Variants in FKBP5 observed in about 807,000 individuals in gnomAD.
The protein encoded by FKBP5 is FKBP prolyl isomerase 5, also known as peptidyl-prolyl cis-trans isomerase FKBP5.
In FKBP5, 23 loss-of-function variants were observed where a neutral mutation model predicts 50.5. The observed-to-expected ratio is 0.46, with a 90% CI of 0.33 to 0.65. The LOEUF is 0.65. Ranked by LOEUF, FKBP5 falls within the 30% of genes least tolerant of loss-of-function variation. The probability of loss-of-function intolerance (pLI) is 0.02; values close to 1 mark genes in which losing one functional copy is unlikely to be tolerated. For synonymous variants in FKBP5, 176 were observed against 190.6 expected, an observed-to-expected ratio of 0.92 and a Z score of 0.63; for missense variants, 411 against 553.1, an observed-to-expected ratio of 0.74 and a Z score of 2.58.
At chr6:35,702,687 C>T (rs1486606954) in intron 2 of FKBP5, among the ~76,000 whole-genome samples, 1 of 151,722 alleles carries the variant, frequency 6.6e-6, no homozygotes, top group Admixed American at 6.6e-5. Context: ...CTCCTGACCT[C>T]GTGATCCACC....
At chr6:35,685,447 T>C (rs1436555916) in intron 1 of FKBP5, among the ~76,000 whole-genome samples, 1 of 152,186 alleles carries the variant, frequency 6.6e-6, no homozygotes, top group Non-Finnish European at 1.5e-5. Context: ...TAAAATGTAC[T>C]GCAGAAAAAT....
chr6:35,714,015 A>G (rs1766464242), intron 2 of FKBP5, among the ~76,000 whole-genome samples: 1 of 151,892 alleles, frequency 6.6e-6, no homozygotes, highest in Non-Finnish European at 1.5e-5. Flanking sequence ...GGCTCTTTCA[A>G]CTGAGGCCTG....
rs550878351 is a variant in FKBP5, at chr6:35,666,394, TAAAAAAAA to T, written c.-20+22402_-20+22409del. 3.9e-4 allele frequency among the ~76,000 whole-genome samples: 13 copies of T among 33,258 alleles called. No homozygotes were observed. The South Asian group carries it at 4.7e-3, about 12-fold the overall frequency. The allele number at this position is 33,258 out of a possible 152,430, so 21.8% of individuals were successfully genotyped here. ...CATGCAGAAACACTACTATTATAGT[TAAAAAAAA>T]AAAAAAAAAAAAAAAAAGGAGGGGA... On this transcript the variant is annotated intron_variant, in intron 1 of 10. Transcript: ENST00000357266.
intron 5 of FKBP5, among the ~76,000 whole-genome samples, chr6:35,600,019 A>G (rs1214962210): frequency 6.6e-6 from 1 of 152,228 alleles, no homozygotes; most frequent in Non-Finnish European, 1.5e-5. Context: ...TAAGTGGTAT[A>G]GCATATTGCT....
intron 5 of FKBP5, 79 bp downstream of exon 5, chr6:35,619,017 A>C: frequency 2.2e-6 from 2 of 929,084 alleles, no homozygotes; most frequent in Non-Finnish European, 1.7e-6. Flanking sequence ...TTCTACAAAC[A>C]TTTTTTTTTA....
upstream of FKBP5, among the ~76,000 whole-genome samples, chr6:35,690,810 C>T (rs1765972768): frequency 6.6e-6 from 1 of 151,682 alleles, no homozygotes; most frequent in Non-Finnish European, 1.5e-5. Flanking sequence ...AGTTCGAGAC[C>T]AGCCTGACCA....
intron 5 of FKBP5, among the ~76,000 whole-genome samples, chr6:35,611,207 A>G (rs1231394456): frequency 6.6e-6 from 1 of 152,020 alleles, no homozygotes; most frequent in African/African-American, 2.4e-5. Context: ...CCACTCTTAC[A>G]TTCCTCTCCT....
intron 1 of FKBP5, among the ~76,000 whole-genome samples, chr6:35,666,545 GA>G (rs200729508): frequency 3.3e-5 from 5 of 151,838 alleles, no homozygotes; most frequent in African/African-American, 4.8e-5. Flanking sequence ...CCATGAAGGG[GA>G]AAAAAAGCTA....
rs1762246821 is a variant in FKBP5, at chr6:35,577,118, T to C, written c.1142A>G (p.Asn381Ser). 1 of 1,614,094 alleles carries C rather than the reference T, an allele frequency of 6.2e-7. No homozygotes were observed. Among genetic ancestry groups the C allele is most frequent in the Non-Finnish European group, 8.5e-7 (1 of 1,180,012 alleles). Reference sequence around the variant, plus strand: ...CAGTCTTGCAGCCTTATTCTGGGGGTTTACTTCCAGCACTTTCTCAAAGTC... The same window carrying C: ...CAGTCTTGCAGCCTTATTCTGGGGGCTTACTTCCAGCACTTTCTCAAAGTC... ...KGDFEKVLEV[N>S]PQNKAARLQI... The change falls in exon 10 of 11, where the codon AAC becomes AGC. Residue 381 changes from asparagine (N) to serine (S), a missense_variant. Around this residue, in one of 3 missense-constraint regions of FKBP5, gnomAD observed 267 missense variants for 405.9 expected, o/e 0.66. Transcript: ENST00000357266.
intron 1 of FKBP5, among the ~76,000 whole-genome samples, chr6:35,645,542 G>T (rs1764606734): frequency 6.6e-6 from 1 of 152,220 alleles, no homozygotes; most frequent in Non-Finnish European, 1.5e-5. Flanking sequence ...GTGATCCTTG[G>T]CTGGATCCTG....
chr6:35,639,644 T>G (rs1764420810), intron 2 of FKBP5, among the ~76,000 whole-genome samples: 1 of 152,142 alleles, frequency 6.6e-6, no homozygotes, highest in Admixed American at 6.5e-5. Context: ...TTGAGAAGCC[T>G]TCTAAAAAAA....
At position 35,589,128 on chromosome 6, in the gene FKBP5, A is replaced by ATATTTT. The variant is rs1427010607; in HGVS notation, c.756+2001_756+2002insAAAATA. ...TATATTTTTATATATATATATATATATTTTTTTTTTTTTCCTCTGAGACGG... is the reference window on the plus strand; with the variant it reads ...TATATTTTTATATATATATATATATATATTTTTTTTTTTTTTTTTCCTCTGAGACGG... On this transcript the variant is annotated intron_variant, in intron 7 of 10. Transcript: ENST00000357266. 2.9e-3 allele frequency among the ~76,000 whole-genome samples: 347 copies of ATATTTT among 121,524 alleles called. 6 individuals carry two copies. The highest frequency in any genetic ancestry group is 0.011 in the African/African-American group (328 of 31,232). The allele number at this position is 121,524 out of a possible 152,430, so 79.7% of individuals were successfully genotyped here.
At chr6:35,616,314 C>CAAAAAAAAAAAAA (rs34779549) in intron 5 of FKBP5, among the ~76,000 whole-genome samples, 5 of 57,454 alleles carry the variant, frequency 8.7e-5, no homozygotes, top group African/African-American at 2.3e-4. Flanking sequence ...GACTCCATCT[C>CAAAAAAAAAAAAA]AAAAAAAAAA....
At position 35,577,141 on chromosome 6, in the gene FKBP5, G is replaced by A. The variant is rs370284375; in HGVS notation, c.1119C>T (p.Asp373=). The part of the protein sequence containing the change: ...LMNEFESAKG[D]FEKVLEVNPQ... ...GGTTTACTTCCAGCACTTTCTCAAA[G>A]TCACCCTTGGCTGACTCAAACTCGT... The change falls in exon 10 of 11, where the codon GAC becomes GAT. Residue 373 remains aspartate, a synonymous_variant. Coordinates refer to ENST00000357266, the MANE Select transcript of FKBP5 (RefSeq NM_004117.4). The A allele has an allele frequency of 4.7e-5, 76 of 1,614,014 alleles. No individual in the cohort carries two copies. Among genetic ancestry groups the A allele is most frequent in the Non-Finnish European group, 5.9e-5 (70 of 1,180,004 alleles).
intron 2 of FKBP5, among the ~76,000 whole-genome samples, chr6:35,639,575 A>G (rs546757148): frequency 1.3e-5 from 2 of 152,292 alleles, no homozygotes; most frequent in Non-Finnish European, 2.9e-5. Flanking sequence ...CAGCCTGCAA[A>G]GTCTCCACTG....
intron 1 of FKBP5, among the ~76,000 whole-genome samples, chr6:35,725,807 G>A (rs1211773786): frequency 6.6e-6 from 1 of 152,180 alleles, no homozygotes; most frequent in African/African-American, 2.4e-5. Context: ...GTAACAAACT[G>A]TACCAGCCTT....
In FKBP5 at chr6:35,651,855, G is replaced by C. The variant is rs969954647; in HGVS notation, c.-19-9012C>G. 50 of 1,003,140 alleles carry C rather than the reference G, an allele frequency of 5.0e-5. 1 individual carries two copies. In the South Asian group the frequency reaches 8.0e-4, roughly 16 times the overall value. 62.1% of individuals were successfully genotyped at this position (1,003,140 alleles called of 1,614,324 possible). ...TGTTTTTGTTTAACTTGTGGACAAA[G>C]ACTTATGGTTAGGTGCAAAAAATAA... is the stretch of plus-strand genomic sequence containing the variant. On this transcript the variant is annotated intron_variant, in intron 1 of 10. Transcript: ENST00000357266.
chr6:35,700,058 T>G (rs937470034), intron 2 of FKBP5, among the ~76,000 whole-genome samples: 11 of 151,960 alleles, frequency 7.2e-5, no homozygotes, highest in Non-Finnish European at 1.3e-4. Context: ...AAGAAAAAAA[T>G]GCAACTACCC....
chr6:35,597,178 G>A (rs1189549356), intron 6 of FKBP5, 70 bp downstream of exon 6: 7 of 1,545,438 alleles, frequency 4.5e-6, no homozygotes, highest in Non-Finnish European at 6.2e-6. Flanking sequence ...CCAAAACACT[G>A]AATGAAAAAG....
Sources: allele counts gnomAD v4.1 joint callset (sites outside exome capture counted in the v4.1 genomes callset), GRCh38; gene constraint gnomAD v4.1.1; regional missense constraint gnomAD v4.1.1; transcripts MANE v1.5; gene names NCBI Gene and HGNC (gene_info 2026-07-23, HGNC 2026-07-21).